The following LRRC2 variants were observed in gnomAD, a reference collection of about 807,000 sequenced individuals.
LRRC2 encodes leucine rich repeat containing 2.
A neutral mutation model predicts 40.2 loss-of-function variants in LRRC2; 27 were observed. That is an observed-to-expected ratio of 0.67 (90% CI 0.49 to 0.93). The LOEUF (loss-of-function observed/expected upper bound fraction) is 0.93. LRRC2 is among the 40% of genes least tolerant of loss of function. The pLI, the probability that LRRC2 is intolerant of heterozygous loss-of-function variation, is 0.00. For synonymous variants in LRRC2, 147 were observed against 158.9 expected (o/e 0.92, Z 0.56); for missense variants, 402 against 439.6 (o/e 0.91, Z 0.76).
At position 46,532,966 on chromosome 3, in the gene LRRC2, C is replaced by A; in HGVS notation, c.491-57G>T. ...TAGGTCGTTTAAGGTCTTTTAAGAA[C>A]AAAAAGCAAAACTAAGAAGTAAACA... On this transcript the variant is annotated intron_variant, in intron 4 of 8. Transcript: ENST00000395905. 2 of 1,548,248 alleles carry A rather than the reference C, an allele frequency of 1.3e-6. No individual in the cohort carries two copies. The highest frequency in any genetic ancestry group is 1.8e-4 in the Middle Eastern group (1 of 5,628).
chr3:46,565,505 A>C (rs1300955145), intron 1 of LRRC2, among the ~76,000 whole-genome samples: 1 of 152,224 alleles, frequency 6.6e-6, no homozygotes, highest in Non-Finnish European at 1.5e-5. Flanking sequence ...GAGGTATGTG[A>C]GCATCCGAGG....
chr3:46,562,336 C>T (rs1462581313), intron 1 of LRRC2, among the ~76,000 whole-genome samples: 1 of 152,206 alleles, frequency 6.6e-6, no homozygotes, highest in Non-Finnish European at 1.5e-5. Context: ...CAGATGACGG[C>T]AGCCCCTGTG....
chr3:46,520,982 G>T (rs1157093278), intron 8 of LRRC2, among the ~76,000 whole-genome samples: 1 of 152,114 alleles, frequency 6.6e-6, no homozygotes, highest in East Asian at 1.9e-4. Flanking sequence ...CTGGGAAAAA[G>T]CCTTCCCACC....
At chr3:46,561,578 C>A (rs982630642) in intron 1 of LRRC2, among the ~76,000 whole-genome samples, 2 of 151,804 alleles carry the variant, frequency 1.3e-5, no homozygotes, top group Non-Finnish European at 2.9e-5. Context: ...GGGAAGGGGC[C>A]GGGGAGTGAG....
chr3:46,552,645 A>T (rs1258288308), intron 1 of LRRC2, among the ~76,000 whole-genome samples: 1 of 151,926 alleles, frequency 6.6e-6, no homozygotes, highest in African/African-American at 2.4e-5. Flanking sequence ...AGTCTCTGCC[A>T]CCACCAGTCT....
Position 46,553,277 on chromosome 3 carries a change from G to C in LRRC2, c.-19-1667C>G, listed in dbSNP as rs184759679. ...CTTATCTAAGTAAAGTAACTTTCTA[G>C]ATATTGTTTTGAAATTCCCTAAGTG... is the stretch of plus-strand genomic sequence containing the variant. On this transcript the variant is annotated intron_variant, in intron 1 of 8. Coordinates refer to ENST00000395905, the MANE Select transcript of LRRC2 (RefSeq NM_024512.5). Among the ~76,000 whole-genome samples the C allele has an allele frequency of 2.4e-4, 36 of 151,962 alleles. 1 individual carries two copies. In the East Asian group the frequency reaches 6.8e-3, roughly 29 times the overall value.
At chr3:46,539,398 CCCTATTTCA>C (rs1167614829) in intron 3 of LRRC2, among the ~76,000 whole-genome samples, 197 bp from the exon 4 acceptor site, 7 of 152,172 alleles carry the variant, frequency 4.6e-5, no homozygotes, top group African/African-American at 1.7e-4. Context: ...AGTATATTAG[CCCTATTTCA>C]AAACTGCCGT....
intron 2 of LRRC2, among the ~76,000 whole-genome samples, chr3:46,547,574 T>A (rs1243778791): frequency 4.8e-4 from 73 of 151,950 alleles, no homozygotes; most frequent in Admixed American, 4.7e-3. Flanking sequence ...GAAAACTGTT[T>A]AAGCCCTGGA....
At chr3:46,521,761 C>G in intron 7 of LRRC2, 103 bp from the exon 8 acceptor site, 1 of 1,154,322 alleles carries the variant, frequency 8.7e-7, no homozygotes. Context: ...TCTGGCTTAC[C>G]TTTAAAAGTC....
At chr3:46,555,104 T>C (rs1344715558) in intron 1 of LRRC2, among the ~76,000 whole-genome samples, 1 of 152,232 alleles carries the variant, frequency 6.6e-6, no homozygotes, top group African/African-American at 2.4e-5. Flanking sequence ...TTTTTATTTA[T>C]CGTTAAGTTG....
chr3:46,543,498 C>T (rs1466808143), intron 3 of LRRC2, among the ~76,000 whole-genome samples: 1 of 151,978 alleles, frequency 6.6e-6, no homozygotes, highest in East Asian at 1.9e-4. Flanking sequence ...TGCCTGTGGT[C>T]CCAGCTACTC....
chr3:46,537,382 G>A (rs772002287), intron 4 of LRRC2, among the ~76,000 whole-genome samples: 49 of 152,332 alleles, frequency 3.2e-4, no homozygotes, highest in African/African-American at 6.0e-4. Flanking sequence ...TTCCAGGCAT[G>A]AGCCACCGCC....
At chr3:46,521,472 G>C in intron 8 of LRRC2, 50 bp downstream of exon 8, 1 of 1,393,790 alleles carries the variant, frequency 7.2e-7, no homozygotes, top group South Asian at 1.4e-5. Context: ...TATTACATAA[G>C]TGGACGTCTG....
intron 1 of LRRC2, chr3:46,559,128 C>T (rs1332003362): frequency 6.6e-6 from 1 of 152,184 alleles, no homozygotes; most frequent in Non-Finnish European, 1.5e-5. Context: ...TCTTTTACCA[C>T]TTTTCTTACT....
At chr3:46,526,307 A>G (rs1003377914) in intron 7 of LRRC2, among the ~76,000 whole-genome samples, 1 of 152,210 alleles carries the variant, frequency 6.6e-6, no homozygotes, top group African/African-American at 2.4e-5. Flanking sequence ...GAGTCCTACA[A>G]TTATATCATT....
At chr3:46,527,908 G>A (rs760879282) in intron 6 of LRRC2, among the ~76,000 whole-genome samples, 13 of 151,978 alleles carry the variant, frequency 8.6e-5, no homozygotes, top group Non-Finnish European at 1.5e-4. Context: ...ATTATTTTTT[G>A]TAGAGACAGA....
chr3:46,560,242 C>T (rs1704905204), intron 1 of LRRC2, among the ~76,000 whole-genome samples: 1 of 152,182 alleles, frequency 6.6e-6, no homozygotes, highest in African/African-American at 2.4e-5. Flanking sequence ...AGGAGACCCT[C>T]CATCCAGGGG....
At chr3:46,534,440 C>CTT (rs1333672357) in intron 4 of LRRC2, among the ~76,000 whole-genome samples, 14 of 130,824 alleles carry the variant, frequency 1.1e-4, no homozygotes, top group Non-Finnish European at 2.1e-4. Flanking sequence ...TTCTTTCTTT[C>CTT]TTTCTTTCTT....
rs1704130580 is a variant in LRRC2, at chr3:46,529,982, A to G, written c.696T>C (p.Cys232=). 1.2e-6 allele frequency: 2 copies of G among 1,614,132 alleles called. No homozygotes were observed. Among genetic ancestry groups the G allele is most frequent in the Non-Finnish European group, 1.7e-6 (2 of 1,180,004 alleles). ...ACTGCAAATTCGACATCCGCAGGAC[A>G]CAGATTGGGACACTGGAAAACTTGT... ...SANKFSSVPI[C]VLRMSNLQWL... The change falls in exon 6 of 9, where the codon TGT becomes TGC. Residue 232 remains cysteine, a synonymous_variant. Coordinates refer to ENST00000395905, the MANE Select transcript of LRRC2 (RefSeq NM_024512.5).
Sources: allele counts gnomAD v4.1 joint callset (sites outside exome capture counted in the v4.1 genomes callset), GRCh38; gene constraint gnomAD v4.1.1; transcripts MANE v1.5; gene names NCBI Gene and HGNC (gene_info 2026-07-23, HGNC 2026-07-21).